Variants in RALY observed in about 807,000 individuals in gnomAD.
The protein encoded by RALY is RNA-binding protein Raly.
A neutral mutation model predicts 30.7 loss-of-function variants in RALY; 15 were observed. The ratio of observed to expected loss-of-function variants is 0.49; its 90% CI spans 0.33 to 0.75. The LOEUF is 0.75. Among genes scored for constraint, RALY ranks in the 30% least tolerant of loss-of-function variants. The pLI is 0.02. For missense variants in RALY, 339 were observed against 414.3 expected (o/e 0.82, Z 1.58); for synonymous variants, 177 against 170.8 (o/e 1.04, Z -0.28).
At chr20:34,015,791 G>C (rs2031584110) in intron 1 of RALY, among the ~76,000 whole-genome samples, 1 of 152,022 alleles carries the variant, frequency 6.6e-6, no homozygotes, top group South Asian at 2.1e-4. Context: ...AGGCCACACA[G>C]AGGCAGACAC....
chr20:34,028,285 TAA>T (rs35090141), intron 1 of RALY, among the ~76,000 whole-genome samples: 38 of 131,592 alleles, frequency 2.9e-4, no homozygotes, highest in Non-Finnish European at 3.1e-4. Flanking sequence ...GACCCTATCT[TAA>T]AAAAAAAAAA....
At chr20:34,070,405 C>T (rs1310249640) in intron 2 of RALY, among the ~76,000 whole-genome samples, 2 of 152,018 alleles carry the variant, frequency 1.3e-5, no homozygotes, top group African/African-American at 4.8e-5. Flanking sequence ...GTAAACTGTA[C>T]GGGAAAAATT....
At chr20:34,079,600 T>C (rs1446594801) in intron 9 of RALY, among the ~76,000 whole-genome samples, 2 of 152,214 alleles carry the variant, frequency 1.3e-5, no homozygotes, top group African/African-American at 4.8e-5. Flanking sequence ...TTGGTTTGTT[T>C]TGCCTGGGAT....
At chr20:33,994,513 C>T (rs900220646) in intron 1 of RALY, among the ~76,000 whole-genome samples, 2 of 152,224 alleles carry the variant, frequency 1.3e-5, no homozygotes, top group Admixed American at 6.5e-5. Context: ...GAGGCTGCTC[C>T]GGGGAGGCCG....
chr20:34,009,069 T>C (rs919991586), intron 1 of RALY, among the ~76,000 whole-genome samples: 1 of 152,114 alleles, frequency 6.6e-6, no homozygotes, highest in African/African-American at 2.4e-5. Context: ...TGAAGGTGAC[T>C]GGTTTCTCAT....
intron 5 of RALY, 127 bp downstream of exon 5, chr20:34,073,993 C>A: frequency 9.7e-7 from 1 of 1,032,984 alleles, no homozygotes; most frequent in South Asian, 1.5e-5. Context: ...TGGGGTTGCT[C>A]CACCAGTCGG....
At chr20:34,067,736 G>GT (rs1264478966) in intron 2 of RALY, among the ~76,000 whole-genome samples, 2 of 151,588 alleles carry the variant, frequency 1.3e-5, no homozygotes, top group Non-Finnish European at 2.9e-5. Flanking sequence ...TGCAGCAATT[G>GT]TTTCTCCTGC....
chr20:34,025,077 T>G (rs1315726033), intron 1 of RALY, among the ~76,000 whole-genome samples: 1 of 152,182 alleles, frequency 6.6e-6, no homozygotes, highest in Non-Finnish European at 1.5e-5. Context: ...TTACTCCCTG[T>G]GTGTGGTCGG....
intron 1 of RALY, among the ~76,000 whole-genome samples, chr20:33,999,208 C>T (rs992587548): frequency 1.3e-5 from 2 of 151,354 alleles, no homozygotes; most frequent in Non-Finnish European, 2.9e-5. Context: ...AGGAAGGAAT[C>T]GGGATGACAT....
chr20:34,027,104 A>G (rs2032073283), intron 1 of RALY, among the ~76,000 whole-genome samples: 1 of 151,498 alleles, frequency 6.6e-6, no homozygotes, highest in African/African-American at 2.4e-5. Context: ...TGAGCACACA[A>G]CCCCCACTCC....
At chr20:34,025,687 A>T (rs6059635) in intron 1 of RALY, among the ~76,000 whole-genome samples, 95,349 of 147,280 alleles carry the variant, frequency 0.65, 30,887 homozygotes, top group South Asian at 0.85. Flanking sequence ...ATGCTATTTT[A>T]AAAAAAAAAA....
chr20:34,025,306 TC>T (rs1361713617), intron 1 of RALY, among the ~76,000 whole-genome samples: 4 of 69,882 alleles, frequency 5.7e-5, no homozygotes, highest in African/African-American at 1.4e-4. Flanking sequence ...TCTCTCTCTC[TC>T]TCTTTTTTTT....
At chr20:34,001,385 C>A (rs922643226) in intron 1 of RALY, among the ~76,000 whole-genome samples, 19 of 152,150 alleles carry the variant, frequency 1.2e-4, no homozygotes, top group African/African-American at 4.6e-4. Flanking sequence ...GTTACCTGGC[C>A]CTTGAAGTGC....
intron 2 of RALY, among the ~76,000 whole-genome samples, chr20:34,037,848 A>C (rs1473521199): frequency 6.6e-6 from 1 of 152,200 alleles, no homozygotes; most frequent in Non-Finnish European, 1.5e-5. Flanking sequence ...CTGATAGCTT[A>C]GAAAGGGCAG....
intron 2 of RALY, among the ~76,000 whole-genome samples, chr20:34,066,912 G>A (rs140806004): frequency 4.6e-5 from 7 of 152,284 alleles, no homozygotes; most frequent in Admixed American, 1.3e-4. Flanking sequence ...AGTAGAAAAG[G>A]GAAAGGGTGA....
In RALY at chr20:34,082,133, A is replaced by G. The variant is rs922004520; in HGVS notation, c.*2228A>G. 5 of 152,356 alleles carry G rather than the reference A, an allele frequency of 3.3e-5. No homozygotes were observed. Among genetic ancestry groups the G allele is most frequent in the Non-Finnish European group, 5.9e-5 (4 of 68,142 alleles). 9.4% of individuals were successfully genotyped at this position (152,356 alleles called of 1,614,324 possible). ...TGCAAGGAGTGCCTCATCTCCCTGAAGAGCTCTCAGTGGAACATACTTCAC... is the reference window on the plus strand; with the variant it reads ...TGCAAGGAGTGCCTCATCTCCCTGAGGAGCTCTCAGTGGAACATACTTCAC... On this transcript the variant is annotated 3_prime_UTR_variant, in exon 10 of 10. Transcript: ENST00000246194.
At chr20:34,039,787 A>T (rs1365635722) in intron 2 of RALY, among the ~76,000 whole-genome samples, 1 of 152,176 alleles carries the variant, frequency 6.6e-6, no homozygotes, top group Non-Finnish European at 1.5e-5. Flanking sequence ...GTACTAGCTT[A>T]ATCTTTCTGA....
intron 1 of RALY, among the ~76,000 whole-genome samples, chr20:34,024,850 A>T (rs2123067697): frequency 6.6e-6 from 1 of 152,342 alleles, no homozygotes; most frequent in South Asian, 2.1e-4. Context: ...CAGTCACAAG[A>T]GTCAAGGTCA....
At chr20:34,034,979 C>T (rs1015834526) in intron 2 of RALY, among the ~76,000 whole-genome samples, 9 of 151,838 alleles carry the variant, frequency 5.9e-5, no homozygotes, top group Non-Finnish European at 1.3e-4. Flanking sequence ...GGTGAAACCC[C>T]GTCTCTACTG....
Sources: allele counts gnomAD v4.1 joint callset (sites outside exome capture counted in the v4.1 genomes callset), GRCh38; gene constraint gnomAD v4.1.1; transcripts MANE v1.5; gene names NCBI Gene and HGNC (gene_info 2026-07-23, HGNC 2026-07-21).